NDFIP1: variants seen among roughly 807,000 people sequenced by gnomAD.
NDFIP1 encodes NEDD4 family-interacting protein 1.
Under a neutral mutation model 28.8 loss-of-function variants are expected in NDFIP1, and 7 were observed. That is an observed-to-expected ratio of 0.24 (90% CI 0.14 to 0.46). The LOEUF is 0.46. Ranked by LOEUF, NDFIP1 falls within the 20% of genes least tolerant of loss-of-function variation. NDFIP1 has a pLI of 0.99. For synonymous variants in NDFIP1, 92 were observed against 101.0 expected (o/e 0.91, Z 0.53); for missense variants, 194 against 269.1 (o/e 0.72, Z 1.95).
At chr5:142,131,712 A>T in intron 1 of NDFIP1, 96 bp from the exon 2 acceptor site, 1 of 898,066 alleles carries the variant, frequency 1.1e-6, no homozygotes, top group Non-Finnish European at 1.6e-6. Context: ...ATACGTTGCC[A>T]AATAGCTTTC....
chr5:142,124,979 T>C (rs1380639365), intron 1 of NDFIP1, among the ~76,000 whole-genome samples: 2 of 152,072 alleles, frequency 1.3e-5, no homozygotes, highest in East Asian at 3.9e-4. Flanking sequence ...GTGCCCACCA[T>C]CACGCCCAGC....
Position 142,120,126 on chromosome 5 carries a change from T to G in NDFIP1, c.63+11089T>G, listed in dbSNP as rs577962836. On this transcript the variant is annotated intron_variant, in intron 1 of 7. Coordinates refer to ENST00000253814, the MANE Select transcript of NDFIP1 (RefSeq NM_030571.4). ...ACGCACCACAATGTCCAGCTAATTC[T>G]TGTATTTTTAGTAGAGACGGGGTTT... is the stretch of plus-strand genomic sequence containing the variant. Among the ~76,000 whole-genome samples, 4 of 152,306 alleles carry G rather than the reference T, an allele frequency of 2.6e-5. No homozygotes were observed. The South Asian group carries it at 8.3e-4, about 32-fold the overall frequency.
At chr5:142,125,514 C>A (rs1482443956) in intron 1 of NDFIP1, among the ~76,000 whole-genome samples, 2 of 152,088 alleles carry the variant, frequency 1.3e-5, no homozygotes, top group African/African-American at 2.4e-5. Context: ...GGTGTGCCGC[C>A]ATGCCTGGCT....
In NDFIP1 at chr5:142,135,786, A is replaced by G; in HGVS notation, c.339A>G (p.Gly113=). 6.2e-7 allele frequency: 1 copy of G among 1,613,880 alleles called. No individual in the cohort carries two copies. Among genetic ancestry groups the G allele is most frequent in the Non-Finnish European group, 8.5e-7 (1 of 1,179,884 alleles). The change falls in exon 4 of 8, where the codon GGA becomes GGG. Residue 113 remains glycine, a synonymous_variant. Coordinates refer to ENST00000253814, the MANE Select transcript of NDFIP1 (RefSeq NM_030571.4). ...DFDDADQLRI[G]NDGIFMLTFF... The stretch of plus-strand genomic sequence containing the variant: ...ATGATGCTGACCAGCTGAGGATAGG[A>G]AATGATGGGATTTTCATGTTAACTT...
intron 1 of NDFIP1, among the ~76,000 whole-genome samples, chr5:142,115,779 C>T (rs757314038): frequency 3.9e-5 from 6 of 151,914 alleles, no homozygotes; most frequent in Non-Finnish European, 7.4e-5. Context: ...TAGTGGTTGG[C>T]TAGGTGGGGG....
At chr5:142,144,708 T>C (rs1757370818) in intron 7 of NDFIP1, 32 bp downstream of exon 7, 1 of 1,303,878 alleles carries the variant, frequency 7.7e-7, no homozygotes, top group Non-Finnish European at 1.1e-6. Context: ...CTAGTCCCAG[T>C]GTAACCATGT....
At chr5:142,121,568 GC>G (rs1757122545) in intron 1 of NDFIP1, among the ~76,000 whole-genome samples, 1 of 152,154 alleles carries the variant, frequency 6.6e-6, no homozygotes, top group African/African-American at 2.4e-5. Flanking sequence ...GGAGAGAGCT[GC>G]TTTTGCCTTA....
intron 2 of NDFIP1, 79 bp downstream of exon 2, chr5:142,131,974 C>G: frequency 1.6e-6 from 2 of 1,271,240 alleles, no homozygotes; most frequent in South Asian, 1.5e-5. Flanking sequence ...AAAAAAAAAG[C>G]TTCAGAAGCA....
At chr5:142,115,521 G>A (rs934375417) in intron 1 of NDFIP1, among the ~76,000 whole-genome samples, 3 of 152,130 alleles carry the variant, frequency 2.0e-5, no homozygotes, top group Non-Finnish European at 4.4e-5. Flanking sequence ...CTGACCTCAA[G>A]TGATCTGCCC....
intron 4 of NDFIP1, 102 bp from the exon 5 acceptor site, chr5:142,137,630 CTT>C (rs1338071587): frequency 2.9e-5 from 40 of 1,364,970 alleles, no homozygotes; most frequent in Middle Eastern, 1.9e-4. Context: ...GACAGGCTGT[CTT>C]TTATCCTTTG....
chr5:142,137,981 G>A (rs1757292501), intron 5 of NDFIP1, 123 bp downstream of exon 5: 1 of 1,290,490 alleles, frequency 7.7e-7, no homozygotes, highest in Non-Finnish European at 1.0e-6. Flanking sequence ...TTTTTGGTTT[G>A]TCTGTGGTTT....
At chr5:142,135,580 T>C in intron 3 of NDFIP1, 150 bp from the exon 4 acceptor site, 1 of 562,280 alleles carries the variant, frequency 1.8e-6, no homozygotes, top group East Asian at 2.8e-5. Flanking sequence ...TAATGCAAAA[T>C]GGAATTTTAA....
chr5:142,136,644 A>G (rs1757278089), intron 4 of NDFIP1, among the ~76,000 whole-genome samples: 1 of 151,458 alleles, frequency 6.6e-6, no homozygotes, highest in Non-Finnish European at 1.5e-5. Context: ...AATCCCAGCT[A>G]CTCAGGAGGC....
At position 142,135,814 on chromosome 5, in the gene NDFIP1, T is replaced by C. The variant is rs1370895958; in HGVS notation, c.367T>C (p.Phe123Leu). Residue 123 changes from phenylalanine to leucine, a missense_variant, in exon 4 of 8, where the codon TTC becomes CTC. Physicochemically the swap from Phe to Leu is conservative, Grantham distance 22. Transcript: ENST00000253814. ...GNDGIFMLTF[F>L]MAFLFNWIGF... Reference sequence around the variant, plus strand: ...TGATGGGATTTTCATGTTAACTTTTTTCAGTAAGTATGTATGCATATCAGA... The same window carrying C: ...TGATGGGATTTTCATGTTAACTTTTCTCAGTAAGTATGTATGCATATCAGA... 3 of 1,612,880 alleles carry C rather than the reference T, an allele frequency of 1.9e-6. No individual in the cohort carries two copies. The highest frequency in any genetic ancestry group is 2.7e-5 in the African/African-American group (2 of 74,884).
chr5:142,144,578 C>T lies in NDFIP1; in HGVS notation c.570C>T (p.Leu190=). 2 of 1,607,054 alleles carry T rather than the reference C, an allele frequency of 1.2e-6. No homozygotes were observed. The highest frequency in any genetic ancestry group is 1.1e-5 in the South Asian group (1 of 89,540). Residue 190 remains leucine (L), a synonymous_variant, in exon 7 of 8, where the codon CTC becomes CTT. Coordinates refer to ENST00000253814, the MANE Select transcript of NDFIP1 (RefSeq NM_030571.4). ...TTTTCTTTTTTAAATTAGGCTTTCT[C>T]CTGTTTCTCAGAGGATTTATCAATT... The part of the protein sequence containing the change: ...LWWVFLVLGF[L]LFLRGFINYA...
At chr5:142,144,872 A>G (rs1757372414) in intron 7 of NDFIP1, among the ~76,000 whole-genome samples, 196 bp downstream of exon 7, 3 of 152,212 alleles carry the variant, frequency 2.0e-5, no homozygotes, top group Non-Finnish European at 4.4e-5. Context: ...AAATTAGAAA[A>G]ACTGCCATAG....
chr5:142,116,402 T>C (rs936901136), intron 1 of NDFIP1, among the ~76,000 whole-genome samples: 2 of 151,712 alleles, frequency 1.3e-5, no homozygotes, highest in Non-Finnish European at 2.9e-5. Flanking sequence ...AGAGTCTTGC[T>C]CTGTTCCCCA....
intron 4 of NDFIP1, among the ~76,000 whole-genome samples, chr5:142,136,944 G>A (rs968088231): frequency 3.4e-5 from 5 of 148,712 alleles, no homozygotes; most frequent in East Asian, 2.0e-4. Flanking sequence ...GGCGGTGCAC[G>A]CCTATAGTCC....
At chr5:142,135,643 C>T in intron 3 of NDFIP1, 87 bp from the exon 4 acceptor site, 7 of 1,179,020 alleles carry the variant, frequency 5.9e-6, no homozygotes, top group Non-Finnish European at 8.8e-6. Context: ...AAAGCAATAA[C>T]TTTTTTCCTT....
Sources: allele counts gnomAD v4.1 joint callset (sites outside exome capture counted in the v4.1 genomes callset), GRCh38; gene constraint gnomAD v4.1.1; transcripts MANE v1.5; gene names NCBI Gene and HGNC (gene_info 2026-07-23, HGNC 2026-07-21).